Variants in SLC29A2 observed in about 807,000 individuals in gnomAD.
The protein encoded by SLC29A2 is solute carrier family 29 member 2, also known as equilibrative nucleoside transporter 2.
SLC29A2 carries 37 observed loss-of-function variants against 48.8 expected under a neutral mutation model. That is an observed-to-expected ratio of 0.76 (90% CI 0.58 to 1.00). The LOEUF is 1.00. Among genes scored for constraint, SLC29A2 ranks in the 50% least tolerant of loss-of-function variants. The probability of loss-of-function intolerance (pLI) is 0.00; values close to 1 mark genes in which losing one functional copy is unlikely to be tolerated. For synonymous variants in SLC29A2, 233 were observed against 261.7 expected, an observed-to-expected ratio of 0.89 and a Z score of 1.06; for missense variants, 533 against 578.6, an observed-to-expected ratio of 0.92 and a Z score of 0.81.
intron 2 of SLC29A2, among the ~76,000 whole-genome samples, chr11:66,370,309 A>G (rs1855957771): frequency 1.3e-5 from 2 of 152,236 alleles, no homozygotes; most frequent in Admixed American, 1.3e-4. Context: ...AATGTCACGC[A>G]TCATGTTACA....
At chr11:66,370,306 C>T (rs574837994) in intron 2 of SLC29A2, among the ~76,000 whole-genome samples, 4 of 152,236 alleles carry the variant, frequency 2.6e-5, no homozygotes, top group Admixed American at 6.5e-5. Context: ...TGGAATGTCA[C>T]GCATCATGTT....
At chr11:66,364,046 G>A (rs1285792837) in intron 11 of SLC29A2, among the ~76,000 whole-genome samples, 179 bp downstream of exon 11, 1 of 152,136 alleles carries the variant, frequency 6.6e-6, no homozygotes, top group Admixed American at 6.5e-5. Context: ...CCCTAGCCCA[G>A]TTCTCTCCCC....
intron 10 of SLC29A2, 42 bp from the exon 11 acceptor site, chr11:66,364,466 T>C: frequency 6.6e-7 from 1 of 1,509,582 alleles, no homozygotes; most frequent in Non-Finnish European, 9.1e-7. Context: ...TGGAGCCAGG[T>C]CTCTGCTCCA....
intron 11 of SLC29A2, among the ~76,000 whole-genome samples, chr11:66,363,952 A>ATTT (rs10648232): frequency 1.8e-4 from 28 of 151,398 alleles, no homozygotes; most frequent in Non-Finnish European, 2.2e-4. Context: ...AGTTCAACCC[A>ATTT]TTTTTTTTTA....
chr11:66,365,905 A>T (rs756390969), intron 10 of SLC29A2, 31 bp downstream of exon 10: 11 of 1,601,076 alleles, frequency 6.9e-6, no homozygotes, highest in Admixed American at 5.0e-5. Context: ...GCTTCCTAAA[A>T]CATCGGATCA....
intron 7 of SLC29A2, 94 bp from the exon 8 acceptor site, chr11:66,366,658 A>G (rs1423386080): frequency 7.1e-7 from 1 of 1,413,372 alleles, no homozygotes; most frequent in East Asian, 2.3e-5. Context: ...AGTTAAAACA[A>G]GTGATCCTCA....
intron 1 of SLC29A2, 89 bp from the exon 2 acceptor site, chr11:66,371,414 T>C: frequency 6.5e-7 from 1 of 1,537,952 alleles, no homozygotes; most frequent in East Asian, 2.3e-5. Context: ...CGGAGCGGAC[T>C]ACAACCCCGA....
rs1208658554 is a variant in SLC29A2 at position 66,369,427 on chromosome 11, G to A, written c.217C>T (p.Leu73=). Residue 73 remains leucine (L), a synonymous_variant, in exon 3 of 12, where the codon CTG becomes TTG. Coordinates refer to ENST00000357440, the MANE Select transcript of SLC29A2 (RefSeq NM_001532.3). ...AGCAGCAGGGGCAGCTGGGACAGCAGCGTCACCCAATTGTTGAAGTTGAAG... is the reference window on the plus strand; with the variant it reads ...AGCAGCAGGGGCAGCTGGGACAGCAACGTCACCCAATTGTTGAAGTTGAAG... The part of the protein sequence containing the change: ...DAFNFNNWVT[L]LSQLPLLLFT... The A allele has an allele frequency of 2.5e-6, 4 of 1,614,120 alleles. No homozygotes were observed. Among genetic ancestry groups the A allele is most frequent in the Non-Finnish European group, 3.4e-6 (4 of 1,180,002 alleles).
chr11:66,363,075 C>G lies in SLC29A2; in HGVS notation c.*361G>C. The G allele has an allele frequency of 3.0e-6, 1 of 328,130 alleles. No individual in the cohort carries two copies. Among genetic ancestry groups the G allele is most frequent in the South Asian group, 2.6e-5 (1 of 38,208 alleles). 20.3% of individuals were successfully genotyped at this position (328,130 alleles called of 1,614,324 possible). A position where few individuals can be genotyped will look rare whatever the true frequency, so the allele number is the denominator to read the frequency against. On this transcript the variant is annotated 3_prime_UTR_variant, in exon 12 of 12. Transcript: ENST00000357440. ...TGAGGCGCTCCTGGCCTGGGCTGGC[C>G]CCGCCTCCCACTCTGAACCCTCTGG... is the stretch of plus-strand genomic sequence containing the variant.
At chr11:66,363,653 G>T in intron 11 of SLC29A2, 106 bp from the exon 12 acceptor site, 1 of 821,356 alleles carries the variant, frequency 1.2e-6, no homozygotes, top group Non-Finnish European at 2.1e-6. Context: ...CAACCCCTCT[G>T]TCACCATAAC....
chr11:66,369,747 C>G (rs1855926269), intron 2 of SLC29A2, among the ~76,000 whole-genome samples: 1 of 152,192 alleles, frequency 6.6e-6, no homozygotes. Flanking sequence ...GAGCCCCCAG[C>G]AAGAGCCTCG....
rs1285362614 is a variant in SLC29A2, at chr11:66,371,756, G to A, written c.-165C>T. On this transcript the variant is annotated 5_prime_UTR_variant, in exon 1 of 12. Transcript: ENST00000357440. ...GGTAGCCTCGGGCGGATTTCGGCGT[G>A]TCTCGCGCTCCGCAGGCTGGGACCT... The A allele has an allele frequency of 9.1e-6, 6 of 659,830 alleles. No individual in the cohort carries two copies. The highest frequency in any genetic ancestry group is 1.5e-5 in the Non-Finnish European group (6 of 393,814). The allele number at this position is 659,830 out of a possible 1,614,324, so 40.9% of individuals were successfully genotyped here.
chr11:66,366,153 T>G lies in SLC29A2; in HGVS notation c.946A>C (p.Thr316Pro). ...SVFPAITAMV[T>P]SSTSPGKWSQ... ...CACTTCCCAGGACTGGTGGAGCTGG[T>G]CACCATGGCTGTGATGGCGGGGAAG... Residue 316 changes from threonine (T) to proline (P), a missense_variant, in exon 9 of 12, where the codon ACC (threonine) becomes CCC (proline). Thr to Pro is a conservative substitution (Grantham distance 38). Coordinates refer to ENST00000357440, the MANE Select transcript of SLC29A2 (RefSeq NM_001532.3). The G allele has an allele frequency of 1.9e-6, 3 of 1,614,130 alleles. No individual in the cohort carries two copies. The highest frequency in any genetic ancestry group is 2.5e-6 in the Non-Finnish European group (3 of 1,179,988).
intron 7 of SLC29A2, among the ~76,000 whole-genome samples, chr11:66,367,174 G>A (rs1312315799): frequency 2.0e-5 from 3 of 152,164 alleles, no homozygotes; most frequent in Non-Finnish European, 4.4e-5. Flanking sequence ...TTTGTCTCAG[G>A]CCACACAGCT....
In SLC29A2 at chr11:66,363,355, C is replaced by T. The variant is rs1276279866; in HGVS notation, c.*81G>A. ...CCACCCCGCAGAGGCCTGAGCCAAG[C>T]TCGCCATTCGCCCTGGGCTGGATCT... On this transcript the variant is annotated 3_prime_UTR_variant, in exon 12 of 12. Transcript: ENST00000357440. 4 of 1,171,280 alleles carry T rather than the reference C, an allele frequency of 3.4e-6. No individual in the cohort carries two copies. The South Asian group carries it at 3.8e-5, about 11-fold the overall frequency. The allele number at this position is 1,171,280 out of a possible 1,614,324, so 72.6% of individuals were successfully genotyped here.
intron 2 of SLC29A2, among the ~76,000 whole-genome samples, chr11:66,370,703 A>C (rs1001404625): frequency 2.0e-5 from 3 of 151,702 alleles, no homozygotes; most frequent in Admixed American, 2.0e-4. Context: ...TAAAAATACA[A>C]AAAAAAATAG....
intron 5 of SLC29A2, among the ~76,000 whole-genome samples, chr11:66,368,165 A>G (rs1446455094): frequency 1.3e-5 from 2 of 152,184 alleles, no homozygotes; most frequent in East Asian, 1.9e-4. Context: ...TCGGTGGGGA[A>G]GCTAGCACAG....
chr11:66,369,552 T>TGGA lies in SLC29A2; in HGVS notation c.112-23_112-21dup, dbSNP rs1565223315. 1.2e-6 allele frequency: 2 copies of TGGA among 1,613,430 alleles called. No individual in the cohort carries two copies. Among genetic ancestry groups the TGGA allele is most frequent in the Admixed American group, 3.3e-5 (2 of 60,004 alleles). Reference sequence around the variant, plus strand: ...GAAGTACTGCCAGGTGGGGAGGTGGTGGAGGGTCAGCACCTCTCAGCCTTC... The same window carrying TGGA: ...GAAGTACTGCCAGGTGGGGAGGTGGTGGAGGAGGGTCAGCACCTCTCAGCCTTC... On this transcript the variant is annotated intron_variant, in intron 2 of 11. Coordinates refer to ENST00000357440, the MANE Select transcript of SLC29A2 (RefSeq NM_001532.3).
intron 4 of SLC29A2, among the ~76,000 whole-genome samples, 164 bp downstream of exon 4, chr11:66,368,896 C>G (rs1444461914): frequency 1.3e-5 from 2 of 152,240 alleles, no homozygotes; most frequent in African/African-American, 4.8e-5. Flanking sequence ...TCCTAGGTCA[C>G]CGGACAAGTG....
Sources: gnomAD v4.1 joint callset for allele counts (sites outside exome capture counted in the v4.1 genomes callset) on GRCh38, gnomAD v4.1.1 for gene constraint, MANE v1.5 for transcripts, NCBI Gene and HGNC (gene_info 2026-07-23, HGNC 2026-07-21) for gene names.